Variants in CCDC7 observed in about 807,000 individuals in gnomAD.
CCDC7 encodes coiled-coil domain containing 7, also known as coiled-coil domain-containing protein 7.
A neutral mutation model predicts 196.9 loss-of-function variants in CCDC7; 183 were observed. The ratio of observed to expected loss-of-function variants is 0.93; its 90% CI spans 0.82 to 1.05. The LOEUF (loss-of-function observed/expected upper bound fraction) is 1.05. Among genes scored for constraint, CCDC7 ranks in the 50% least tolerant of loss-of-function variants. The probability of loss-of-function intolerance (pLI) is 0.00; values close to 1 mark genes in which losing one functional copy is unlikely to be tolerated. For synonymous variants in CCDC7, 525 were observed against 484.6 expected (o/e 1.08, Z -1.10); for missense variants, 1,540 against 1,482.2 (o/e 1.04, Z -0.64).
chr10:32,806,429 A>G (rs1246234607), intron 30 of CCDC7, among the ~76,000 whole-genome samples: 1 of 152,184 alleles, frequency 6.6e-6, no homozygotes, highest in Non-Finnish European at 1.5e-5. Context: ...GCAGACAATG[A>G]CTACAAAGCA....
chr10:32,445,987 T>G (rs1173448666), upstream of CCDC7, among the ~76,000 whole-genome samples: 3 of 152,330 alleles, frequency 2.0e-5, no homozygotes, highest in South Asian at 4.1e-4. Context: ...AGGAGGCCGA[T>G]GTGCCCATGG....
At chr10:32,741,932 C>T (rs2085926017) in intron 28 of CCDC7, among the ~76,000 whole-genome samples, 1 of 151,860 alleles carries the variant, frequency 6.6e-6, no homozygotes, top group South Asian at 2.1e-4. Context: ...TGAAAGGTTC[C>T]TTCTCATTTC....
intron 13 of CCDC7, among the ~76,000 whole-genome samples, chr10:32,563,306 G>T (rs1458285683): frequency 6.6e-6 from 1 of 152,012 alleles, no homozygotes; most frequent in African/African-American, 2.4e-5. Flanking sequence ...CTACTTTAAA[G>T]TTCATATGGA....
At chr10:32,596,077 A>G (rs951542381) in intron 18 of CCDC7, among the ~76,000 whole-genome samples, 1 of 152,178 alleles carries the variant, frequency 6.6e-6, no homozygotes, top group African/African-American at 2.4e-5. Flanking sequence ...TGCAGAGCTG[A>G]GTTCATTTCC....
At chr10:32,458,242 C>G (rs976864801) in intron 3 of CCDC7, among the ~76,000 whole-genome samples, 1 of 152,028 alleles carries the variant, frequency 6.6e-6, no homozygotes, top group Non-Finnish European at 1.5e-5. Flanking sequence ...CATTCTTCTG[C>G]CTATGGATAT....
chr10:32,642,501 G>A (rs73257479), intron 20 of CCDC7, among the ~76,000 whole-genome samples: 8,085 of 152,240 alleles, frequency 0.053, 716 homozygotes, highest in African/African-American at 0.18. Flanking sequence ...TTGGAAGAGC[G>A]CAGTATTAGT....
At chr10:32,681,277 G>A (rs1196877049) in intron 21 of CCDC7, among the ~76,000 whole-genome samples, 1 of 152,158 alleles carries the variant, frequency 6.6e-6, no homozygotes, top group Non-Finnish European at 1.5e-5. Flanking sequence ...GTGGGAGGTA[G>A]TGCTGGGGAA....
intron 18 of CCDC7, among the ~76,000 whole-genome samples, chr10:32,603,763 G>A (rs2061313612): frequency 6.6e-6 from 1 of 151,908 alleles, no homozygotes; most frequent in Admixed American, 6.5e-5. Flanking sequence ...TTTAAGAAAT[G>A]TCTATTTAGA....
At chr10:32,757,136 C>G (rs909598252) in intron 28 of CCDC7, among the ~76,000 whole-genome samples, 2 of 152,124 alleles carry the variant, frequency 1.3e-5, no homozygotes, top group East Asian at 1.9e-4. Context: ...GACTTAGACT[C>G]CCACACAATA....
At chr10:32,726,264 G>A (rs1234926470) in intron 25 of CCDC7, among the ~76,000 whole-genome samples, 1 of 151,542 alleles carries the variant, frequency 6.6e-6, no homozygotes, top group Non-Finnish European at 1.5e-5. Context: ...AATATGTATA[G>A]AATTATATAT....
chr10:32,799,477 G>A (rs1208437621), intron 29 of CCDC7, among the ~76,000 whole-genome samples: 1 of 152,142 alleles, frequency 6.6e-6, no homozygotes, highest in Admixed American at 6.5e-5. Context: ...TTGGGTCCCT[G>A]GATAAATGGG....
In CCDC7 at chr10:32,644,847, T is replaced by G. The variant is rs907633527; in HGVS notation, c.2014+9689T>G. 4.6e-5 allele frequency among the ~76,000 whole-genome samples: 7 copies of G among 152,344 alleles called. No homozygotes were observed. The East Asian group carries it at 1.3e-3, about 29-fold the overall frequency. ...GTAAGTCCATTAAACCTCTTTCTTT[T>G]GTAAATTGCCCAGTTACAGATCTGT... On this transcript the variant is annotated intron_variant, in intron 20 of 41. Coordinates refer to ENST00000639629, the Ensembl canonical transcript of CCDC7.
At chr10:32,578,310 G>A (rs1461434738) in intron 16 of CCDC7, among the ~76,000 whole-genome samples, 7 of 152,056 alleles carry the variant, frequency 4.6e-5, no homozygotes, top group East Asian at 1.9e-4. Context: ...GACCAGTTTC[G>A]TGGAAGACTC....
intron 9 of CCDC7, chr10:32,512,518 C>G (rs889820336): frequency 1.3e-5 from 2 of 152,092 alleles, no homozygotes; most frequent in Non-Finnish European, 2.9e-5. Flanking sequence ...CAAAGGCATC[C>G]ATGTGGTTAA....
chr10:32,713,253 A>T (rs2081097853), intron 25 of CCDC7, among the ~76,000 whole-genome samples: 1 of 152,250 alleles, frequency 6.6e-6, no homozygotes, highest in South Asian at 2.1e-4. Flanking sequence ...AAAACTAGAA[A>T]GAATTATTTG....
intron 20 of CCDC7, among the ~76,000 whole-genome samples, chr10:32,640,700 C>T (rs2066584309): frequency 6.6e-6 from 1 of 151,948 alleles, no homozygotes; most frequent in Admixed American, 6.6e-5. Context: ...TTAGGGCAGG[C>T]CTGGTGGTGA....
chr10:32,680,538 G>A (rs10763888), intron 21 of CCDC7, among the ~76,000 whole-genome samples: 21,040 of 151,854 alleles, frequency 0.14, 1,763 homozygotes, highest in East Asian at 0.25. Flanking sequence ...CCATCAACTC[G>A]TCATTTACAT....
chr10:32,605,996 C>T (rs528005334), intron 18 of CCDC7, among the ~76,000 whole-genome samples: 1 of 152,314 alleles, frequency 6.6e-6, no homozygotes, highest in South Asian at 2.1e-4. Flanking sequence ...TCATAGCAGC[C>T]CATCCCATCA....
chr10:32,601,548 C>T (rs894398646), intron 18 of CCDC7, among the ~76,000 whole-genome samples: 6 of 152,096 alleles, frequency 3.9e-5, no homozygotes, highest in African/African-American at 1.4e-4. Flanking sequence ...AGAGGTGAAG[C>T]CAGCTGGACT....
Sources: gnomAD v4.1 joint callset for allele counts (sites outside exome capture counted in the v4.1 genomes callset) on GRCh38, gnomAD v4.1.1 for gene constraint, MANE v1.5 for transcripts, NCBI Gene and HGNC (gene_info 2026-07-23, HGNC 2026-07-21) for gene names.